MTMR12: variants seen among roughly 807,000 people sequenced by gnomAD.
MTMR12 encodes myotubularin-related protein 12.
Under a neutral mutation model 96.7 loss-of-function variants are expected in MTMR12, and 33 were observed. That is an observed-to-expected ratio of 0.34 (90% CI 0.26 to 0.46). MTMR12 has a LOEUF of 0.46. Ranked by LOEUF, MTMR12 falls within the 20% of genes least tolerant of loss-of-function variation. The pLI is 1.00. For missense variants in MTMR12, 721 were observed against 896.1 expected (o/e 0.80, Z 2.49); for synonymous variants, 298 against 327.2 (o/e 0.91, Z 0.96).
chr5:32,300,612 T>A (rs1310546731), intron 1 of MTMR12, among the ~76,000 whole-genome samples: 2 of 152,152 alleles, frequency 1.3e-5, no homozygotes, highest in Non-Finnish European at 2.9e-5. Context: ...CCAGATTACA[T>A]CTGCCATACT....
Position 32,235,069 on chromosome 5 carries a change from C to T in MTMR12, c.1405G>A (p.Ala469Thr). The stretch of plus-strand genomic sequence containing the variant: ...AGGTAAGTCTCTGTGAATTCAAATG[C>T]CGGGGGATGCTGGTGCACCAGCTGC... Reference protein sequence around the residue: ...VWQLVHQHPPAFEFTETYLTV... With the variant: ...VWQLVHQHPPTFEFTETYLTV... The change falls in exon 14 of 16, where the codon GCA becomes ACA. Residue 469 changes from alanine (A) to threonine (T), a missense_variant. Coordinates refer to ENST00000382142, the MANE Select transcript of MTMR12 (RefSeq NM_001040446.3). 6.2e-7 allele frequency: 1 copy of T among 1,613,964 alleles called. No individual in the cohort carries two copies. The highest frequency in any genetic ancestry group is 8.5e-7 in the Non-Finnish European group (1 of 1,179,928).
chr5:32,266,303 C>T (rs78514596), intron 6 of MTMR12, among the ~76,000 whole-genome samples: 2,063 of 152,304 alleles, frequency 0.014, 53 homozygotes, highest in African/African-American at 0.047. Context: ...TTACAGCAAG[C>T]AGTCAATACA....
intron 1 of MTMR12, among the ~76,000 whole-genome samples, chr5:32,286,381 TTA>T (rs1750540100): frequency 6.6e-6 from 1 of 151,974 alleles, no homozygotes; most frequent in Non-Finnish European, 1.5e-5. Flanking sequence ...TTGACTTTTA[TTA>T]GCCAGGCGTG....
chr5:32,228,808 T>G lies in MTMR12; in HGVS notation c.*970A>C, dbSNP rs1419762625. On this transcript the variant is annotated 3_prime_UTR_variant, in exon 16 of 16. Transcript: ENST00000382142. Reference sequence around the variant, plus strand: ...CACATTCAAAAGTGACCCAATCCCATCAGTCCATAAAGGTAAAAGAATGTG... The same window carrying G: ...CACATTCAAAAGTGACCCAATCCCAGCAGTCCATAAAGGTAAAAGAATGTG... 1 of 151,486 alleles carries G rather than the reference T, an allele frequency of 6.6e-6. No homozygotes were observed. Among genetic ancestry groups the G allele is most frequent in the Non-Finnish European group, 1.5e-5 (1 of 67,902 alleles). 9.4% of individuals were successfully genotyped at this position (151,486 alleles called of 1,614,324 possible). A position where few individuals can be genotyped will look rare whatever the true frequency, so the allele number is the denominator to read the frequency against.
Position 32,263,346 on chromosome 5 carries a change from C to T in MTMR12, c.584-104G>A, listed in dbSNP as rs1749448468. The T allele has an allele frequency of 4.5e-6, 6 of 1,343,848 alleles. No homozygotes were observed. In the South Asian group the frequency reaches 5.5e-5, roughly 12 times the overall value. The allele number at this position is 1,343,848 out of a possible 1,614,324, so 83.2% of individuals were successfully genotyped here. On this transcript the variant is annotated intron_variant, in intron 6 of 15. Transcript: ENST00000382142. ...AGGTTTTGGTTTCCTCCACTAAGCC[C>T]ATTTTTATCCAAGCAGAATGAATTG...
chr5:32,308,757 A>G (rs1286452537), intron 1 of MTMR12, among the ~76,000 whole-genome samples: 7 of 152,008 alleles, frequency 4.6e-5, no homozygotes, highest in Non-Finnish European at 1.0e-4. Flanking sequence ...GGCACACACC[A>G]CCACGCCCAG....
At chr5:32,305,288 C>T (rs1751311618) in intron 1 of MTMR12, among the ~76,000 whole-genome samples, 1 of 152,018 alleles carries the variant, frequency 6.6e-6, no homozygotes, top group South Asian at 2.1e-4. Context: ...GGGGTTTCAC[C>T]ATATTGGCCA....
chr5:32,271,986 AC>A (rs1390655002), intron 3 of MTMR12, 81 bp from the exon 4 acceptor site: 1 of 858,796 alleles, frequency 1.2e-6, no homozygotes, highest in Non-Finnish European at 1.7e-6. Context: ...ACCATTCTCT[AC>A]TTGGATATTA....
At chr5:32,294,306 TC>T (rs1162382907) in intron 1 of MTMR12, among the ~76,000 whole-genome samples, 1 of 151,754 alleles carries the variant, frequency 6.6e-6, no homozygotes, top group African/African-American at 2.4e-5. Context: ...TTTCCTTTTT[TC>T]CTTTTTTTTT....
In MTMR12 at chr5:32,228,533, TGATA is replaced by T. The variant is rs1176365976; in HGVS notation, c.*1241_*1244del. ...TTAAAAAAAATATATATCATATATA[TGATA>T]TATATATCATATATATGTGATATAT... On this transcript the variant is annotated 3_prime_UTR_variant, in exon 16 of 16. Coordinates refer to ENST00000382142, the MANE Select transcript of MTMR12 (RefSeq NM_001040446.3). The T allele has an allele frequency of 4.3e-5, 6 of 138,968 alleles. No homozygotes were observed. Among genetic ancestry groups the T allele is most frequent in the Non-Finnish European group, 9.0e-5 (6 of 66,444 alleles). The allele number at this position is 138,968 out of a possible 1,614,324, so 8.6% of individuals were successfully genotyped here.
In MTMR12 at chr5:32,233,643, A is replaced by C. The variant is rs778355973; in HGVS notation, c.1674+130T>G. ...AATGGCCCTTGACAATTTGACCATC[A>C]CAAGTCTCAACTCTGCAGACTGCTT... is the stretch of plus-strand genomic sequence containing the variant. On this transcript the variant is annotated intron_variant, in intron 15 of 15. Transcript: ENST00000382142. The surrounding 1 kb of genome is among the most constrained non-coding windows in gnomAD (Gnocchi z 5.0). 1.2e-4 allele frequency: 155 copies of C among 1,291,522 alleles called. 1 individual carries two copies. The highest frequency in any genetic ancestry group is 1.2e-3 in the Admixed American group (57 of 49,240). The allele number at this position is 1,291,522 out of a possible 1,614,324, so 80.0% of individuals were successfully genotyped here.
chr5:32,232,711 C>A (rs1026244411), intron 15 of MTMR12, among the ~76,000 whole-genome samples: 2 of 152,220 alleles, frequency 1.3e-5, no homozygotes, highest in African/African-American at 4.8e-5. Context: ...GTTAAACTGG[C>A]AGAAGAGGCT....
intron 1 of MTMR12, among the ~76,000 whole-genome samples, chr5:32,286,658 G>C (rs1355006677): frequency 6.6e-6 from 1 of 152,176 alleles, no homozygotes; most frequent in Non-Finnish European, 1.5e-5. Context: ...TTATTATTCA[G>C]AGCTTAGTTA....
intron 1 of MTMR12, among the ~76,000 whole-genome samples, chr5:32,281,464 AAATAGCATT>A (rs1362791093): frequency 6.6e-6 from 1 of 152,142 alleles, no homozygotes; most frequent in Non-Finnish European, 1.5e-5. Context: ...AGGGTAAAGG[AAATAGCATT>A]TTTCTATTAA....
At chr5:32,292,578 C>T (rs1200191676) in intron 1 of MTMR12, among the ~76,000 whole-genome samples, 1 of 152,190 alleles carries the variant, frequency 6.6e-6, no homozygotes, top group Non-Finnish European at 1.5e-5. Context: ...TGAAAACAGT[C>T]TACTCTCCAT....
At chr5:32,288,339 C>T (rs1750621185) in intron 1 of MTMR12, among the ~76,000 whole-genome samples, 1 of 152,142 alleles carries the variant, frequency 6.6e-6, no homozygotes, top group Non-Finnish European at 1.5e-5. Flanking sequence ...AGCCTTTCCA[C>T]CTTTGTCTGA....
intron 2 of MTMR12, among the ~76,000 whole-genome samples, chr5:32,275,521 G>A (rs191095464): frequency 6.6e-6 from 1 of 152,280 alleles, no homozygotes; most frequent in Non-Finnish European, 1.5e-5. Flanking sequence ...CAACATTCCT[G>A]GTGAGGCCCT....
At chr5:32,271,947 C>CTAACAGTA in intron 3 of MTMR12, 42 bp from the exon 4 acceptor site, 1 of 1,199,344 alleles carries the variant, frequency 8.3e-7, no homozygotes, top group Non-Finnish European at 1.2e-6. Context: ...CCTCTGCATA[C>CTAACAGTA]TGTTAGACAT....
At position 32,296,757 on chromosome 5, in the gene MTMR12, T is replaced by C. The variant is rs186116523; in HGVS notation, c.81+16001A>G. Among the ~76,000 whole-genome samples, 280 of 150,554 alleles carry C rather than the reference T, an allele frequency of 1.9e-3. 1 individual carries two copies. The highest frequency in any genetic ancestry group is 6.6e-3 in the African/African-American group (268 of 40,890). The stretch of plus-strand genomic sequence containing the variant: ...TGAAGGTTGCAGTGAGCTATGATCA[T>C]GTTACTGCACTCCAGCCTGGGTAAC... On this transcript the variant is annotated intron_variant, in intron 1 of 15. Coordinates refer to ENST00000382142, the MANE Select transcript of MTMR12 (RefSeq NM_001040446.3).
Sources: allele counts gnomAD v4.1 joint callset (sites outside exome capture counted in the v4.1 genomes callset), GRCh38; gene constraint gnomAD v4.1.1; non-coding constraint Gnocchi (gnomAD v3.1); transcripts MANE v1.5; gene names NCBI Gene and HGNC (gene_info 2026-07-23, HGNC 2026-07-21).